Variants in CFAP43 observed in about 807,000 individuals in gnomAD.
The protein encoded by CFAP43 is cilia- and flagella-associated protein 43.
Under a neutral mutation model 218.9 loss-of-function variants are expected in CFAP43, and 155 were observed. The observed-to-expected ratio is 0.71, with a 90% confidence interval of 0.62 to 0.81. The LOEUF is 0.81. CFAP43 is among the 30% of genes least tolerant of loss of function. The probability of loss-of-function intolerance (pLI) is 0.00; values close to 1 mark genes in which losing one functional copy is unlikely to be tolerated. For missense variants in CFAP43, 1,778 were observed against 1,954.3 expected (o/e 0.91, Z 1.70); for synonymous variants, 645 against 681.3 (o/e 0.95, Z 0.83).
intron 27 of CFAP43, among the ~76,000 whole-genome samples, chr10:104,153,808 C>A (rs1286970513): frequency 6.6e-6 from 1 of 151,198 alleles, no homozygotes. Flanking sequence ...ACCCCCTGCC[C>A]CTCTGCCCCC....
At chr10:104,214,137 A>G (rs2090945930) in intron 4 of CFAP43, 122 bp downstream of exon 4, 5 of 832,818 alleles carry the variant, frequency 6.0e-6, no homozygotes, top group Middle Eastern at 2.5e-4. Flanking sequence ...ATGTGTGTGT[A>G]TGTGTGTGTA....
chr10:104,194,437 G>GGA (rs1411391763), intron 10 of CFAP43, among the ~76,000 whole-genome samples: 1 of 152,078 alleles, frequency 6.6e-6, no homozygotes, highest in African/African-American at 2.4e-5. Flanking sequence ...TATTAGCGAT[G>GGA]GGGTCTTCCT....
intron 27 of CFAP43, among the ~76,000 whole-genome samples, chr10:104,155,252 C>T (rs1453572809): frequency 6.6e-6 from 1 of 152,138 alleles, no homozygotes; most frequent in Non-Finnish European, 1.5e-5. Context: ...TGTCTCTGGA[C>T]ATGGAGGCTC....
At chr10:104,138,225 G>A (rs1336694387) in intron 34 of CFAP43, among the ~76,000 whole-genome samples, 1 of 152,116 alleles carries the variant, frequency 6.6e-6, no homozygotes, top group Non-Finnish European at 1.5e-5. Context: ...TTACCTCTGT[G>A]GTCTCTTTCT....
chr10:104,206,895 A>ACT (rs2090707421), intron 6 of CFAP43, among the ~76,000 whole-genome samples: 3 of 152,182 alleles, frequency 2.0e-5, no homozygotes, highest in Admixed American at 6.5e-5. Context: ...GCAATATGGC[A>ACT]GGGTGTGGTG....
intron 19 of CFAP43, among the ~76,000 whole-genome samples, chr10:104,173,717 T>C (rs1181962787): frequency 6.6e-6 from 1 of 152,164 alleles, no homozygotes; most frequent in Non-Finnish European, 1.5e-5. Context: ...CCCCTTCACT[T>C]TTTACTGAGA....
intron 11 of CFAP43, 162 bp from the exon 12 acceptor site, chr10:104,192,464 G>A (rs2090257981): frequency 3.3e-6 from 2 of 611,214 alleles, no homozygotes; most frequent in East Asian, 6.0e-5. Context: ...GATTACATGT[G>A]GATATAATCA....
intron 4 of CFAP43, among the ~76,000 whole-genome samples, chr10:104,213,104 C>T (rs1315257677): frequency 6.6e-6 from 1 of 152,168 alleles, no homozygotes; most frequent in Non-Finnish European, 1.5e-5. Flanking sequence ...TTAAAAGGTG[C>T]AGTGTTGTCA....
In CFAP43 at chr10:104,146,402, C is replaced by G. The variant is rs1375487805; in HGVS notation, c.3769-53G>C. The G allele has an allele frequency of 3.6e-6, 5 of 1,375,964 alleles. No homozygotes were observed. In the African/African-American group the frequency reaches 5.7e-5, roughly 16 times the overall value. 85.2% of individuals were successfully genotyped at this position (1,375,964 alleles called of 1,614,324 possible). On this transcript the variant is annotated intron_variant, in intron 29 of 37. Coordinates refer to ENST00000357060, the MANE Select transcript of CFAP43 (RefSeq NM_025145.7). ...GAAACTGGAGACTTTCCAGCATAAA[C>G]AAAAATATTGGGGATACTAAAAAGA... is the stretch of plus-strand genomic sequence containing the variant.
chr10:104,198,900 C>T (rs1165470776), intron 8 of CFAP43, among the ~76,000 whole-genome samples: 1 of 152,178 alleles, frequency 6.6e-6, no homozygotes, highest in Non-Finnish European at 1.5e-5. Context: ...ATCCCCCCTC[C>T]TCGACCTCCC....
chr10:104,197,766 T>C (rs2090419563), intron 9 of CFAP43, among the ~76,000 whole-genome samples, 156 bp downstream of exon 9: 1 of 152,220 alleles, frequency 6.6e-6, no homozygotes, highest in Non-Finnish European at 1.5e-5. Context: ...GTGTCTGGCA[T>C]CTCCACCACA....
chr10:104,222,877 G>C (rs1024077107), intron 3 of CFAP43, among the ~76,000 whole-genome samples: 2 of 152,198 alleles, frequency 1.3e-5, no homozygotes, highest in Non-Finnish European at 2.9e-5. Context: ...TAGGGGCCAG[G>C]AAGTTAATGT....
chr10:104,132,564 G>T, intron 35 of CFAP43: 1 of 811,106 alleles, frequency 1.2e-6, no homozygotes. Context: ...GTAGTGAGCG[G>T]ATATCACACC....
At chr10:104,232,122 G>C in intron 1 of CFAP43, 60 bp downstream of exon 1, 1 of 1,550,932 alleles carries the variant, frequency 6.4e-7, no homozygotes, top group Non-Finnish European at 8.7e-7. Flanking sequence ...AGGGAGGAGG[G>C]GACTTGGGGC....
Position 104,207,561 on chromosome 10 carries a change from A to C in CFAP43, c.895+104T>G, listed in dbSNP as rs918527908. On this transcript the variant is annotated intron_variant, in intron 6 of 37. Transcript: ENST00000357060. ...CACAGTAACAGCCAGAGGATTAAGA[A>C]GAAGGAGGATTCAAAGATGTCTCCA... The C allele has an allele frequency of 7.3e-6, 8 of 1,096,806 alleles. No individual in the cohort carries two copies. The African/African-American group carries it at 1.3e-4, about 17-fold the overall frequency. 67.9% of individuals were successfully genotyped at this position (1,096,806 alleles called of 1,614,324 possible).
At chr10:104,214,866 G>A (rs541527085) in intron 3 of CFAP43, among the ~76,000 whole-genome samples, 13 of 152,080 alleles carry the variant, frequency 8.5e-5, no homozygotes, top group South Asian at 4.1e-4. Flanking sequence ...TGCCAGGCGC[G>A]GTGGCTCACG....
In CFAP43 at chr10:104,212,011, A is replaced by C. The variant is rs778604209; in HGVS notation, c.731T>G (p.Phe244Cys). The change falls in exon 5 of 38, where the codon TTC becomes TGC. Residue 244 changes from phenylalanine to cysteine, a missense_variant. Phe to Cys is a radical substitution (Grantham distance 205, BLOSUM62 -2). Coordinates refer to ENST00000357060, the MANE Select transcript of CFAP43 (RefSeq NM_025145.7). ...AGLVGKEAET[F>C]RPKDDLYPLL... ...GAAGAGGTGCCAGGTAATTACCCGG[A>C]AAGTCTCTGCCTCTTTGCCTACCAG... 3.7e-6 allele frequency: 6 copies of C among 1,611,760 alleles called. No homozygotes were observed. The highest frequency in any genetic ancestry group is 5.1e-6 in the Non-Finnish European group (6 of 1,178,532).
At chr10:104,212,248 G>A in intron 4 of CFAP43, 91 bp from the exon 5 acceptor site, 10 of 1,279,436 alleles carry the variant, frequency 7.8e-6, no homozygotes, top group Non-Finnish European at 1.0e-5. Context: ...AGGTGGGGAG[G>A]TATTATAACT....
chr10:104,211,647 T>C (rs1046168983), intron 5 of CFAP43, among the ~76,000 whole-genome samples: 7 of 152,172 alleles, frequency 4.6e-5, no homozygotes, highest in African/African-American at 1.7e-4. Context: ...CCCACCGTCC[T>C]ATCTGTGAGA....
Sources: allele counts gnomAD v4.1 joint callset (sites outside exome capture counted in the v4.1 genomes callset), GRCh38; gene constraint gnomAD v4.1.1; transcripts MANE v1.5; gene names NCBI Gene and HGNC (gene_info 2026-07-23, HGNC 2026-07-21).